The following EXOC6B variants were observed in gnomAD, a reference collection of about 807,000 sequenced individuals.
The protein encoded by EXOC6B is SEC15 homolog B.
Under a neutral mutation model 113.5 loss-of-function variants are expected in EXOC6B, and 54 were observed. The observed-to-expected ratio is 0.48, with a 90% CI of 0.38 to 0.60. EXOC6B has a LOEUF of 0.60. Among genes scored for constraint, EXOC6B ranks in the 20% least tolerant of loss-of-function variants. The probability of loss-of-function intolerance (pLI) is 0.00; values close to 1 mark genes in which losing one functional copy is unlikely to be tolerated. For synonymous variants in EXOC6B, 357 were observed against 339.0 expected (o/e 1.05, Z -0.58); for missense variants, 797 against 977.5 (o/e 0.82, Z 2.46).
At position 72,731,030 on chromosome 2, in the gene EXOC6B, C is replaced by A; in HGVS notation, c.441G>T (p.Leu147=). 6.5e-7 allele frequency: 1 copy of A among 1,543,186 alleles called. No individual in the cohort carries two copies. The highest frequency in any genetic ancestry group is 1.2e-5 in the South Asian group (1 of 80,226). The change falls in exon 5 of 22, where the codon CTG becomes CTT. Residue 147 remains leucine (L), a synonymous_variant. Transcript: ENST00000272427. ...CLPVLEMYSK[L]RDQMKTKRHY... ...ACCTTTTAGTTTTCATCTGGTCCCTCAGTTTGCTGTACATCTCTAGGACTT... is the reference window on the plus strand; with the variant it reads ...ACCTTTTAGTTTTCATCTGGTCCCTAAGTTTGCTGTACATCTCTAGGACTT...
chr2:72,371,698 A>G (rs954506631), intron 19 of EXOC6B, among the ~76,000 whole-genome samples: 1 of 152,220 alleles, frequency 6.6e-6, no homozygotes, highest in African/African-American at 2.4e-5. Context: ...AATAAAAGGC[A>G]TGTATGACAG....
intron 20 of EXOC6B, among the ~76,000 whole-genome samples, chr2:72,301,393 C>T (rs774867390): frequency 6.6e-6 from 1 of 152,116 alleles, no homozygotes; most frequent in Non-Finnish European, 1.5e-5. Flanking sequence ...CCCTCCTTCT[C>T]AGTTTTTTGA....
At chr2:72,334,554 C>A (rs1043078436) in intron 20 of EXOC6B, among the ~76,000 whole-genome samples, 3 of 152,180 alleles carry the variant, frequency 2.0e-5, no homozygotes, top group Non-Finnish European at 4.4e-5. Flanking sequence ...CTGCTGGCCA[C>A]ATTATCTACA....
chr2:72,344,875 C>A (rs1164000249), intron 19 of EXOC6B, among the ~76,000 whole-genome samples: 2 of 151,910 alleles, frequency 1.3e-5, no homozygotes, highest in Non-Finnish European at 2.9e-5. Context: ...ATCATTTTAG[C>A]CAGAGGAGCA....
intron 20 of EXOC6B, among the ~76,000 whole-genome samples, chr2:72,243,383 C>T (rs1682446796): frequency 6.6e-6 from 1 of 152,136 alleles, no homozygotes; most frequent in East Asian, 1.9e-4. Flanking sequence ...GAAAATGTGG[C>T]ACATATACAC....
intron 6 of EXOC6B, among the ~76,000 whole-genome samples, chr2:72,704,263 T>A (rs2104654700): frequency 6.6e-6 from 1 of 151,042 alleles, no homozygotes; most frequent in East Asian, 1.9e-4. Flanking sequence ...CAAATAAAGA[T>A]GTTCTTTGAA....
chr2:72,793,700 G>A (rs898490350), intron 1 of EXOC6B, among the ~76,000 whole-genome samples: 1 of 152,158 alleles, frequency 6.6e-6, no homozygotes, highest in Admixed American at 6.5e-5. Context: ...GAGGTACATA[G>A]GTGTAAGAGA....
intron 8 of EXOC6B, among the ~76,000 whole-genome samples, chr2:72,551,804 CT>C (rs1229057828): frequency 6.6e-6 from 1 of 152,140 alleles, no homozygotes; most frequent in African/African-American, 2.4e-5. Context: ...CCATTAAAAT[CT>C]TAATAGCTTA....
At chr2:72,664,877 T>C (rs994260355) in intron 6 of EXOC6B, among the ~76,000 whole-genome samples, 1 of 152,228 alleles carries the variant, frequency 6.6e-6, no homozygotes, top group Admixed American at 6.5e-5. Flanking sequence ...GATCCACTGA[T>C]ACAGCCAGTG....
At chr2:72,605,784 C>A (rs768295653) in intron 6 of EXOC6B, among the ~76,000 whole-genome samples, 1 of 152,064 alleles carries the variant, frequency 6.6e-6, no homozygotes, top group African/African-American at 2.4e-5. Flanking sequence ...ATTTAATCCT[C>A]AGAAAATATG....
At chr2:72,764,966 C>T (rs1358167046) in intron 1 of EXOC6B, among the ~76,000 whole-genome samples, 3 of 152,052 alleles carry the variant, frequency 2.0e-5, no homozygotes. Context: ...TAAACTGATA[C>T]TCCCAGCCAG....
At chr2:72,653,001 A>G (rs993651517) in intron 6 of EXOC6B, among the ~76,000 whole-genome samples, 1 of 151,716 alleles carries the variant, frequency 6.6e-6, no homozygotes, top group African/African-American at 2.4e-5. Flanking sequence ...TTTAATTTTT[A>G]AAAGAAAACA....
intron 20 of EXOC6B, among the ~76,000 whole-genome samples, chr2:72,250,147 G>A (rs1048964210): frequency 6.6e-6 from 1 of 152,086 alleles, no homozygotes; most frequent in African/African-American, 2.4e-5. Flanking sequence ...ACATAGTAGA[G>A]GAATCTATGA....
intron 8 of EXOC6B, among the ~76,000 whole-genome samples, chr2:72,545,730 C>G (rs1243768833): frequency 1.3e-5 from 2 of 152,124 alleles, no homozygotes; most frequent in East Asian, 1.9e-4. Context: ...AAACAACAAC[C>G]CTTCAAATAC....
intron 1 of EXOC6B, among the ~76,000 whole-genome samples, chr2:72,770,312 T>C (rs1683340418): frequency 1.5e-5 from 2 of 134,502 alleles, no homozygotes; most frequent in African/African-American, 3.4e-5. Context: ...AACTATCTTA[T>C]ACCAGTAACT....
intron 6 of EXOC6B, among the ~76,000 whole-genome samples, chr2:72,680,009 T>C (rs1676583194): frequency 6.6e-6 from 1 of 152,174 alleles, no homozygotes; most frequent in East Asian, 1.9e-4. Context: ...CATAATGTGA[T>C]TATATAAGAG....
chr2:72,562,262 G>T (rs1365588001), intron 7 of EXOC6B, among the ~76,000 whole-genome samples: 8 of 152,108 alleles, frequency 5.3e-5, no homozygotes, highest in Admixed American at 5.2e-4. Flanking sequence ...AGGTTTGGAA[G>T]AATAAGAAGT....
intron 3 of EXOC6B, among the ~76,000 whole-genome samples, chr2:72,731,541 A>G (rs1409334986): frequency 1.3e-5 from 2 of 152,250 alleles, no homozygotes; most frequent in African/African-American, 4.8e-5. Context: ...ATTTCAACAA[A>G]TAAACCCACA....
rs182415160 is a variant in EXOC6B, at chr2:72,821,740, C to T, written c.113+4058G>A. Among the ~76,000 whole-genome samples, 353 of 152,122 alleles carry T rather than the reference C, an allele frequency of 2.3e-3. 2 individuals carry two copies. The highest frequency in any genetic ancestry group is 8.0e-3 in the African/African-American group (330 of 41,504). On this transcript the variant is annotated intron_variant, in intron 1 of 21. Transcript: ENST00000272427. Reference sequence around the variant, plus strand: ...TTGATTCCATTTATACAAAATGTCCCGATGTCCAGAACAGCCAAACCCATG... The same window carrying T: ...TTGATTCCATTTATACAAAATGTCCTGATGTCCAGAACAGCCAAACCCATG...
Sources: allele counts gnomAD v4.1 joint callset (sites outside exome capture counted in the v4.1 genomes callset), GRCh38; gene constraint gnomAD v4.1.1; transcripts MANE v1.5; gene names NCBI Gene and HGNC (gene_info 2026-07-23, HGNC 2026-07-21).